SPEG: variants seen among roughly 807,000 people sequenced by gnomAD.
The protein encoded by SPEG is striated muscle enriched protein kinase.
A neutral mutation model predicts 300.4 loss-of-function variants in SPEG; 114 were observed. The observed-to-expected ratio is 0.38, with a 90% CI of 0.33 to 0.44. The LOEUF (loss-of-function observed/expected upper bound fraction) is 0.44, where lower values mean the gene tolerates loss of function less well. Among genes scored for constraint, SPEG ranks in the 20% least tolerant of loss-of-function variants. SPEG has a pLI of 1.00. For missense variants in SPEG, 4,201 were observed against 4,586.2 expected (o/e 0.92, Z 2.43); for synonymous variants, 1,964 against 2,018.9 (o/e 0.97, Z 0.73).
chr2:219,465,498 G>T, intron 9 of SPEG: 1 of 157,344 alleles, frequency 6.4e-6, no homozygotes, highest in Non-Finnish European at 1.4e-5. Context: ...CTCCTCCCCG[G>T]CCTGCTTTCT....
intron 9 of SPEG, chr2:219,465,642 T>G (rs991972220): frequency 1.1e-5 from 3 of 277,330 alleles, no homozygotes; most frequent in African/African-American, 6.7e-5. Context: ...GCCCGGGGTC[T>G]CTGCCTGCCC....
At position 219,485,207 on chromosome 2, in the gene SPEG, T is replaced by C. The variant is rs961314375; in HGVS notation, c.7609+135T>C. 14 of 1,480,230 alleles carry C rather than the reference T, an allele frequency of 9.5e-6. No individual in the cohort carries two copies. The African/African-American group carries it at 2.0e-4, about 21-fold the overall frequency. 91.7% of individuals were successfully genotyped at this position (1,480,230 alleles called of 1,614,324 possible). On this transcript the variant is annotated intron_variant, in intron 30 of 40. Transcript: ENST00000312358. ...GCCCCGAGGGTGGAATCAGCAGGGC[T>C]GGAGGGGAGGAAAGCAGGAATGGCG... is the stretch of plus-strand genomic sequence containing the variant.
chr2:219,451,693 C>T lies in SPEG; in HGVS notation c.2326C>T (p.Arg776Trp), dbSNP rs1216497785. 5.1e-6 allele frequency: 8 copies of T among 1,577,812 alleles called. No homozygotes were observed. Among genetic ancestry groups the T allele is most frequent in the South Asian group, 2.3e-5 (2 of 85,764 alleles). The change falls in exon 6 of 41, where the codon CGG becomes TGG. Residue 776 changes from arginine (R) to tryptophan (W), a missense_variant. This residue lies in a region of SPEG where 1,258 missense variants were observed against 1,293.9 expected (regional missense o/e 0.97). Coordinates refer to ENST00000312358, the MANE Select transcript of SPEG (RefSeq NM_005876.5). This position sits in a 1 kb window ranked among gnomAD's most constrained non-coding sequence, Gnocchi z 6.4. ...CCTCCTCCTCCGGGCTGAGGGTGAG[C>T]GGCACACCCTGCTGCTCAGGGAGGC... Reference protein sequence around the residue: ...GRLLLRAEGERHTLLLREARA... With the variant: ...GRLLLRAEGEWHTLLLREARA...
chr2:219,460,839 C>T, intron 6 of SPEG: 1 of 986,150 alleles, frequency 1.0e-6, no homozygotes, highest in Non-Finnish European at 1.2e-6. Context: ...TCAGCTGGGT[C>T]AGCCGAGTGA....
At position 219,493,292 on chromosome 2, in the gene SPEG, G is replaced by A. The variant is rs541593892; in HGVS notation, c.*506G>A. 8.8e-4 allele frequency: 312 copies of A among 356,500 alleles called. No homozygotes were observed. The highest frequency in any genetic ancestry group is 1.5e-3 in the Non-Finnish European group (263 of 180,564). The allele number at this position is 356,500 out of a possible 1,614,324, so 22.1% of individuals were successfully genotyped here. ...GGGACATGAGAGAAGGCAGCGAGGC[G>A]GCAGAGGGAGAAGAGAGGACTCAGG... On this transcript the variant is annotated 3_prime_UTR_variant, in exon 41 of 41. Transcript: ENST00000312358.
At chr2:219,465,524 C>T (rs1691188730) in intron 9 of SPEG, 1 of 158,826 alleles carries the variant, frequency 6.3e-6, no homozygotes, top group South Asian at 1.8e-4. Context: ...GGGCCTGGCT[C>T]TGCCTCGCTT....
At chr2:219,483,012 C>A (rs1441178252) in intron 29 of SPEG, 86 bp from the exon 30 acceptor site, 3 of 1,471,474 alleles carry the variant, frequency 2.0e-6, no homozygotes, top group East Asian at 4.9e-5. Flanking sequence ...CATGCTCAGG[C>A]CTCTTCCCCA....
In SPEG at chr2:219,479,586, G is replaced by C. The variant is rs956093487; in HGVS notation, c.5086-197G>C. On this transcript the variant is annotated intron_variant, in intron 23 of 40. Transcript: ENST00000312358. The surrounding 1 kb of genome is among the most constrained non-coding windows in gnomAD (Gnocchi z 5.5). ...CAATTCTACTTATTACCACGCAATG[G>C]CTCCTCCCTATAATTGTGCTGTACC... Among the ~76,000 whole-genome samples, 2 of 152,154 alleles carry C rather than the reference G, an allele frequency of 1.3e-5. No individual in the cohort carries two copies. Among genetic ancestry groups the C allele is most frequent in the African/African-American group, 4.8e-5 (2 of 41,412 alleles).
In SPEG at chr2:219,477,566, C is replaced by A. The variant is rs1305847816; in HGVS notation, c.4729+121C>A. 19 of 1,366,832 alleles carry A rather than the reference C, an allele frequency of 1.4e-5. No homozygotes were observed. In the Admixed American group the frequency reaches 3.9e-4, roughly 28 times the overall value. 84.7% of individuals were successfully genotyped at this position (1,366,832 alleles called of 1,614,324 possible). A position where few individuals can be genotyped will look rare whatever the true frequency, so the allele number is the denominator to read the frequency against. ...GAGCCACCACACCCCCAGCCCAGCA[C>A]CCCGCCTTGAGCCCCCAACATTCTT... On this transcript the variant is annotated intron_variant, in intron 20 of 40. Coordinates refer to ENST00000312358, the MANE Select transcript of SPEG (RefSeq NM_005876.5). The surrounding 1 kb of genome is among the most constrained non-coding windows in gnomAD (Gnocchi z 6.4).
Position 219,483,750 on chromosome 2 carries a change from G to A in SPEG, c.6287G>A (p.Gly2096Glu). The A allele has an allele frequency of 1.3e-6, 2 of 1,541,650 alleles. No individual in the cohort carries two copies. The highest frequency in any genetic ancestry group is 1.7e-6 in the Non-Finnish European group (2 of 1,150,514). The change falls in exon 30 of 41, where the codon GGG becomes GAG. Residue 2096 changes from glycine (G) to glutamate (E), a missense_variant. Gly to Glu is a moderately conservative substitution (Grantham distance 98). Around this residue, in one of 4 missense-constraint regions of SPEG, gnomAD observed 1,578 missense variants for 1,506.0 expected, o/e 1.05. Coordinates refer to ENST00000312358, the MANE Select transcript of SPEG (RefSeq NM_005876.5). Reference sequence around the variant, plus strand: ...AGGGGTCCCCTGCTGGAGAGCCTGGGGGGCCGTGCTCGGGACCCCCGGATG... The same window carrying A: ...AGGGGTCCCCTGCTGGAGAGCCTGGAGGGCCGTGCTCGGGACCCCCGGATG... ...GLRGPLLESLGGRARDPRMAR... is the reference protein window; with the variant it reads ...GLRGPLLESLEGRARDPRMAR...
rs1575161321 is a variant in SPEG, at chr2:219,481,189, A to C, written c.5370-115A>C. On this transcript the variant is annotated intron_variant, in intron 26 of 40. Coordinates refer to ENST00000312358, the MANE Select transcript of SPEG (RefSeq NM_005876.5). The surrounding 1 kb of genome is among the most constrained non-coding windows in gnomAD (Gnocchi z 5.4). ...CCTCACCTCTTACCCACATTTGCCC[A>C]GCCTCTGTCATCCTCACAACCCCAG... The C allele has an allele frequency of 7.7e-6, 9 of 1,167,712 alleles. No individual in the cohort carries two copies. The highest frequency in any genetic ancestry group is 7.6e-5 in the African/African-American group (5 of 65,664). 72.3% of individuals were successfully genotyped at this position (1,167,712 alleles called of 1,614,324 possible).
At position 219,458,376 on chromosome 2, in the gene SPEG, A is replaced by T. The variant is rs116605367; in HGVS notation, c.2441-3506A>T. 0.013 allele frequency among the ~76,000 whole-genome samples: 2,001 copies of T among 151,944 alleles called. 45 individuals carry two copies. The highest frequency in any genetic ancestry group is 0.045 in the African/African-American group (1,872 of 41,378). Reference sequence around the variant, plus strand: ...CCAGCAGCATCAGCATCACCTGAGTATGTGTTAGAAATGCAGTTTCTTTTT... The same window carrying T: ...CCAGCAGCATCAGCATCACCTGAGTTTGTGTTAGAAATGCAGTTTCTTTTT... On this transcript the variant is annotated intron_variant, in intron 6 of 40. Transcript: ENST00000312358. This position sits in a 1 kb window ranked among gnomAD's most constrained non-coding sequence, Gnocchi z 4.2.
In SPEG at chr2:219,443,647, C is replaced by T; in HGVS notation, c.389-1006C>T. On this transcript the variant is annotated intron_variant, in intron 1 of 40. Coordinates refer to ENST00000312358, the MANE Select transcript of SPEG (RefSeq NM_005876.5). The surrounding 1 kb of genome is among the most constrained non-coding windows in gnomAD (Gnocchi z 4.6). ...TGCAGACAGATAAGGGGTTGGTTTG[C>T]AAAGAGGGGTCAAAGCACAATGCAA... 1 of 305,136 alleles carries T rather than the reference C, an allele frequency of 3.3e-6. No individual in the cohort carries two copies. 18.9% of individuals were successfully genotyped at this position (305,136 alleles called of 1,614,324 possible).
At chr2:219,470,324 CCT>C in intron 13 of SPEG, among the ~76,000 whole-genome samples, 1 of 152,264 alleles carries the variant, frequency 6.6e-6, no homozygotes, top group South Asian at 2.1e-4. Context: ...CCAGGATGTC[CCT>C]GTCACCCATG....
chr2:219,477,316 G>T lies in SPEG; in HGVS notation c.4600G>T (p.Val1534Leu). 2.5e-6 allele frequency: 4 copies of T among 1,613,380 alleles called. No homozygotes were observed. The highest frequency in any genetic ancestry group is 3.4e-6 in the Non-Finnish European group (4 of 1,179,864). The change falls in exon 20 of 41, where the codon GTG (valine) becomes TTG (leucine). Residue 1534 changes from valine (V) to leucine (L), a missense_variant. Transcript: ENST00000312358. The surrounding 1 kb of genome is among the most constrained non-coding windows in gnomAD (Gnocchi z 6.4). ...GACCGAGAGCAGCCATGTGAGCTTC[G>T]TGTACGAGGAGAATGAGTGCTCCCT... ...LLTESSHVSF[V>L]YEENECSLVV...
Position 219,492,627 on chromosome 2 carries a change from C to A in SPEG, c.9645C>A (p.His3215Gln). The A allele has an allele frequency of 6.2e-7, 1 of 1,611,112 alleles. No individual in the cohort carries two copies. The highest frequency in any genetic ancestry group is 8.5e-7 in the Non-Finnish European group (1 of 1,180,012). ...CCTCCCTGCAGGACTGCCTGGCCCACCCATGGTTGCAGGACGCCTACCTGA... is the reference window on the plus strand; with the variant it reads ...CCTCCCTGCAGGACTGCCTGGCCCAACCATGGTTGCAGGACGCCTACCTGA... ...SRPSLQDCLAHPWLQDAYLMK... is the reference protein window; with the variant it reads ...SRPSLQDCLAQPWLQDAYLMK... The change falls in exon 41 of 41, where the codon CAC (histidine) becomes CAA (glutamine). Residue 3215 changes from histidine to glutamine, a missense_variant. This residue lies in a region of SPEG where 318 missense variants were observed against 429.5 expected (regional missense o/e 0.74). Coordinates refer to ENST00000312358, the MANE Select transcript of SPEG (RefSeq NM_005876.5).
Position 219,479,631 on chromosome 2 carries a change from C to T in SPEG, c.5086-152C>T, listed in dbSNP as rs1399783811. 2 of 694,354 alleles carry T rather than the reference C, an allele frequency of 2.9e-6. No homozygotes were observed. The highest frequency in any genetic ancestry group is 4.2e-5 in the Admixed American group (2 of 47,696). The allele number at this position is 694,354 out of a possible 1,614,324, so 43.0% of individuals were successfully genotyped here. A position where few individuals can be genotyped will look rare whatever the true frequency, so the allele number is the denominator to read the frequency against. ...TGTACCCTCCGGTGCATATGGTAGC[C>T]TTGGATCTTTGCAACCCCAAACCTG... On this transcript the variant is annotated intron_variant, in intron 23 of 40. Transcript: ENST00000312358. The surrounding 1 kb of genome is among the most constrained non-coding windows in gnomAD (Gnocchi z 5.5).
At chr2:219,466,187 C>T in intron 9 of SPEG, 1 of 1,484,230 alleles carries the variant, frequency 6.7e-7, no homozygotes, top group South Asian at 1.3e-5. Context: ...CCGGCCCGGA[C>T]CCGTCCCAGC....
In SPEG at chr2:219,471,979, A is replaced by G. The variant is rs187558456; in HGVS notation, c.3827A>G (p.Tyr1276Cys). 6.2e-7 allele frequency: 1 copy of G among 1,612,472 alleles called. No homozygotes were observed. The highest frequency in any genetic ancestry group is 8.5e-7 in the Non-Finnish European group (1 of 1,179,912). The change falls in exon 14 of 41, where the codon TAT becomes TGT. Residue 1276 changes from tyrosine to cysteine, a missense_variant. By Grantham distance (194) the Tyr-to-Cys change is radical. Coordinates refer to ENST00000312358, the MANE Select transcript of SPEG (RefSeq NM_005876.5). ...LGKAACYAHL[Y>C]VTDVVPGPPD... The stretch of plus-strand genomic sequence containing the variant: ...AAAGCTGCCTGCTATGCCCACCTGT[A>G]TGTCACAGGTGAGGCAGGCACCCTC...
Sources: gnomAD v4.1 joint callset for allele counts (sites outside exome capture counted in the v4.1 genomes callset) on GRCh38, gnomAD v4.1.1 for gene constraint, gnomAD v4.1.1 regional missense constraint, Gnocchi (gnomAD v3.1) non-coding constraint, MANE v1.5 for transcripts, NCBI Gene and HGNC (gene_info 2026-07-23, HGNC 2026-07-21) for gene names.